PHACTR2: variants seen among roughly 807,000 people sequenced by gnomAD.
PHACTR2 encodes phosphatase and actin regulator 2, also known as chromosome 6 open reading frame 56.
PHACTR2 carries 30 observed loss-of-function variants against 76.0 expected under a neutral mutation model. That is an observed-to-expected ratio of 0.39 (90% CI 0.30 to 0.54). PHACTR2 has a LOEUF of 0.54. Among genes scored for constraint, PHACTR2 ranks in the 20% least tolerant of loss-of-function variants. The pLI, the probability that PHACTR2 is intolerant of heterozygous loss-of-function variation, is 0.61. For synonymous variants in PHACTR2, 292 were observed against 292.5 expected (o/e 1.00, Z 0.02); for missense variants, 696 against 781.1 (o/e 0.89, Z 1.30).
intron 1 of PHACTR2, among the ~76,000 whole-genome samples, chr6:143,636,161 C>T (rs1379593320): frequency 2.0e-5 from 3 of 151,118 alleles, no homozygotes; most frequent in Non-Finnish European, 4.4e-5. Context: ...TTGCAGTGAG[C>T]TGAGATTGTG....
rs1439942495 is a variant in PHACTR2 at position 143,821,026 on chromosome 6, A to C, written c.1923-2648A>C. ...AGCTGTATCTGGGGCCCTTTGCGCC[A>C]AGGCTGGAGCCAAAGTGGCTGGGAT... On this transcript the variant is annotated intron_variant, in intron 12 of 12. Coordinates refer to ENST00000440869, the MANE Select transcript of PHACTR2 (RefSeq NM_001100164.2). The surrounding 1 kb of genome is among the most constrained non-coding windows in gnomAD (Gnocchi z 5.2). Among the ~76,000 whole-genome samples, 1 of 152,254 alleles carries C rather than the reference A, an allele frequency of 6.6e-6. No individual in the cohort carries two copies. The highest frequency in any genetic ancestry group is 1.9e-4 in the East Asian group (1 of 5,202).
chr6:143,566,446 A>G lies in PHACTR2; in HGVS notation c.217+29239A>G, dbSNP rs146931183. Among the ~76,000 whole-genome samples, 68 of 151,970 alleles carry G rather than the reference A, an allele frequency of 4.5e-4. 1 individual carries two copies. Among genetic ancestry groups the G allele is most frequent in the African/African-American group, 1.5e-3 (64 of 41,422 alleles). On this transcript the variant is annotated intron_variant, in intron 1 of 11. Coordinates refer to the PHACTR2 transcript ENST00000367584. Reference sequence around the variant, plus strand: ...GTAGCTGGGACTACAGGCACATGCCACCATGCCCAGCTATTCTTTTGTTGT... The same window carrying G: ...GTAGCTGGGACTACAGGCACATGCCGCCATGCCCAGCTATTCTTTTGTTGT...
rs188867094 is a variant in PHACTR2, at chr6:143,769,324, A to C, written c.1233-2934A>C. On this transcript the variant is annotated intron_variant, in intron 6 of 12. Coordinates refer to ENST00000440869, the MANE Select transcript of PHACTR2 (RefSeq NM_001100164.2). ...AGTTCATTTTCACAAACATGTATAG[A>C]ATGCACTATATTGTCCAGTGTGCCC... is the stretch of plus-strand genomic sequence containing the variant. 6.6e-5 allele frequency among the ~76,000 whole-genome samples: 10 copies of C among 152,306 alleles called. No homozygotes were observed. The East Asian group carries it at 1.9e-3, about 29-fold the overall frequency.
chr6:143,631,361 A>T (rs774421106), intron 1 of PHACTR2, among the ~76,000 whole-genome samples: 14 of 151,874 alleles, frequency 9.2e-5, no homozygotes, highest in South Asian at 4.2e-4. Flanking sequence ...TGGCTAATTT[A>T]AAAAAAATTT....
At position 143,585,873 on chromosome 6, in the gene PHACTR2, G is replaced by T. The variant is rs113951715; in HGVS notation, c.217+48666G>T. Among the ~76,000 whole-genome samples, 1,378 of 152,296 alleles carry T rather than the reference G, an allele frequency of 9.0e-3. 25 individuals are homozygous for T. The highest frequency in any genetic ancestry group is 0.032 in the African/African-American group (1,325 of 41,566). On this transcript the variant is annotated intron_variant, in intron 1 of 11. Coordinates refer to the PHACTR2 transcript ENST00000367584. The surrounding 1 kb of genome is among the most constrained non-coding windows in gnomAD (Gnocchi z 5.2). ...GAAGTGGATGAGCCCAGCAGCAGGG[G>T]ATTTTAAGCTGGGGCCGCTAGCACT...
At chr6:143,737,558 C>A (rs1434524171) in intron 2 of PHACTR2, among the ~76,000 whole-genome samples, 2 of 151,976 alleles carry the variant, frequency 1.3e-5, no homozygotes, top group East Asian at 3.8e-4. Flanking sequence ...CCTGATATTA[C>A]CCAAATAATC....
chr6:143,637,244 A>G (rs1246592024), intron 1 of PHACTR2, among the ~76,000 whole-genome samples: 2 of 152,034 alleles, frequency 1.3e-5, no homozygotes, highest in Non-Finnish European at 1.5e-5. Context: ...GCCACTCAAT[A>G]TCCTTCCAAA....
Position 143,823,865 on chromosome 6 carries a change from G to T in PHACTR2, c.*176G>T. ...GCTCCTCACCTGTGTGGCCCAGATGGCTCCAACAAGCAAAAGGAAGGATGC... is the reference window on the plus strand; with the variant it reads ...GCTCCTCACCTGTGTGGCCCAGATGTCTCCAACAAGCAAAAGGAAGGATGC... On this transcript the variant is annotated 3_prime_UTR_variant, in exon 13 of 13. Transcript: ENST00000440869. This position sits in a 1 kb window ranked among gnomAD's most constrained non-coding sequence, Gnocchi z 5.7. 1 of 538,786 alleles carries T rather than the reference G, an allele frequency of 1.9e-6. No homozygotes were observed. Among genetic ancestry groups the T allele is most frequent in the South Asian group, 2.6e-5 (1 of 39,046 alleles). 33.4% of individuals were successfully genotyped at this position (538,786 alleles called of 1,614,324 possible).
Position 143,688,024 on chromosome 6 carries a change from G to A in PHACTR2, c.46+9815G>A, listed in dbSNP as rs12524982. 0.16 allele frequency among the ~76,000 whole-genome samples: 23,746 copies of A among 152,102 alleles called. 2,196 individuals carry two copies. Among genetic ancestry groups the A allele is most frequent in the Middle Eastern group, 0.26 (75 of 294 alleles). ...AGTCTAGAAGATGCTTAGTGAAAAT[G>A]TGCAGAAATGAGAGTGGAAGGGAAG... is the stretch of plus-strand genomic sequence containing the variant. On this transcript the variant is annotated intron_variant, in intron 1 of 12. Coordinates refer to ENST00000440869, the MANE Select transcript of PHACTR2 (RefSeq NM_001100164.2). The surrounding 1 kb of genome is among the most constrained non-coding windows in gnomAD (Gnocchi z 5.2).
chr6:143,662,303 C>T lies in PHACTR2; in HGVS notation c.14-49713C>T, dbSNP rs1185901694. 6.6e-6 allele frequency among the ~76,000 whole-genome samples: 1 copy of T among 152,128 alleles called. No homozygotes were observed. Among genetic ancestry groups the T allele is most frequent in the Non-Finnish European group, 1.5e-5 (1 of 68,024 alleles). ...AAACTAAGTGTGTTTTAGGAAATAA[C>T]TTTATAGCTTTTTTTCCCCTATTTT... On this transcript the variant is annotated intron_variant, in intron 1 of 11. Transcript: ENST00000305766. The surrounding 1 kb of genome is among the most constrained non-coding windows in gnomAD (Gnocchi z 4.7).
chr6:143,615,936 T>C (rs1216785828), intron 1 of PHACTR2, among the ~76,000 whole-genome samples: 1 of 152,204 alleles, frequency 6.6e-6, no homozygotes, highest in East Asian at 1.9e-4. Context: ...TGTACTACTC[T>C]GTGAACCAGT....
rs1316747413 is a variant in PHACTR2 at position 143,671,972 on chromosome 6, AAACTGTACATAATATT to A, written c.14-40042_14-40027del. 6.8e-6 allele frequency among the ~76,000 whole-genome samples: 1 copy of A among 147,332 alleles called. No individual in the cohort carries two copies. Among genetic ancestry groups the A allele is most frequent in the African/African-American group, 2.4e-5 (1 of 41,300 alleles). On this transcript the variant is annotated intron_variant, in intron 1 of 11. Transcript: ENST00000305766. This position sits in a 1 kb window ranked among gnomAD's most constrained non-coding sequence, Gnocchi z 4.6. ...CATATGAAACAAGCCAGATTAAAAA[AAACTGTACATAATATT>A]ATTCCATTTGTAAGAAATTTTAGAT...
At position 143,608,259 on chromosome 6, in the gene PHACTR2, C is replaced by A. The variant is rs778538993; in HGVS notation, c.-51C>A. On this transcript the variant is annotated 5_prime_UTR_variant, in exon 1 of 12. Transcript: ENST00000305766. This position sits in a 1 kb window ranked among gnomAD's most constrained non-coding sequence, Gnocchi z 4.6. ...AGGGTGCTTCGTTAGTCAGAAGAGC[C>A]AGGGCTTCCCGGCTGCCAGGCTACA... 6.2e-7 allele frequency: 1 copy of A among 1,610,236 alleles called. No individual in the cohort carries two copies. Among genetic ancestry groups the A allele is most frequent in the South Asian group, 1.1e-5 (1 of 90,856 alleles).
chr6:143,585,446 A>G lies in PHACTR2; in HGVS notation c.217+48239A>G, dbSNP rs1775619079. 6.6e-6 allele frequency among the ~76,000 whole-genome samples: 1 copy of G among 152,218 alleles called. No homozygotes were observed. The highest frequency in any genetic ancestry group is 2.1e-4 in the South Asian group (1 of 4,830). The stretch of plus-strand genomic sequence containing the variant: ...GGCAGCACAAGAACAACACATTGGA[A>G]CTAGGAAACCAGGTTTGCAGTTAAC... On this transcript the variant is annotated intron_variant, in intron 1 of 11. Transcript: ENST00000367584. The surrounding 1 kb of genome is among the most constrained non-coding windows in gnomAD (Gnocchi z 5.2).
At chr6:143,560,148 T>C (rs1775245831) in intron 1 of PHACTR2, among the ~76,000 whole-genome samples, 1 of 152,248 alleles carries the variant, frequency 6.6e-6, no homozygotes, top group African/African-American at 2.4e-5. Context: ...ACATTTTTAG[T>C]AATAATTGTA....
At position 143,774,100 on chromosome 6, in the gene PHACTR2, A is replaced by G. The variant is rs770276388; in HGVS notation, c.1474A>G (p.Ile492Val). The G allele has an allele frequency of 1.7e-5, 27 of 1,613,904 alleles. No homozygotes were observed. The highest frequency in any genetic ancestry group is 8.9e-5 in the East Asian group (4 of 44,894). The change falls in exon 8 of 13, where the codon ATC becomes GTC. Residue 492 changes from isoleucine (I) to valine (V), a missense_variant. By Grantham distance (29) the Ile-to-Val change is conservative. Coordinates refer to ENST00000440869, the MANE Select transcript of PHACTR2 (RefSeq NM_001100164.2). The surrounding 1 kb of genome is among the most constrained non-coding windows in gnomAD (Gnocchi z 5.4). ...SKIRRRDTLA[I>V]KLGNRPSKKE... The stretch of plus-strand genomic sequence containing the variant: ...AATACGCCGGAGGGATACTCTTGCT[A>G]TCAAACTTGGCAACAGACCATCTAA...
chr6:143,772,544 A>T lies in PHACTR2; in HGVS notation c.1432+87A>T. On this transcript the variant is annotated intron_variant, in intron 7 of 12. Coordinates refer to ENST00000440869, the MANE Select transcript of PHACTR2 (RefSeq NM_001100164.2). The surrounding 1 kb of genome is among the most constrained non-coding windows in gnomAD (Gnocchi z 5.4). ...ATAAAGAATAAAAGCCTCATTAGGA[A>T]CCAGACATCTGATGTTTTCTTTCCC... 1 of 892,330 alleles carries T rather than the reference A, an allele frequency of 1.1e-6. No homozygotes were observed. The highest frequency in any genetic ancestry group is 1.8e-6 in the Non-Finnish European group (1 of 561,590). The allele number at this position is 892,330 out of a possible 1,614,324, so 55.3% of individuals were successfully genotyped here. A position where few individuals can be genotyped will look rare whatever the true frequency, so the allele number is the denominator to read the frequency against.
chr6:143,616,781 G>C lies in PHACTR2; in HGVS notation c.13+8459G>C, dbSNP rs1776064755. Reference sequence around the variant, plus strand: ...TGGGGTGGAGGCTACGCCAGACTCGGTAGTCAGAGAAAGCTTCCTAAGGAG... The same window carrying C: ...TGGGGTGGAGGCTACGCCAGACTCGCTAGTCAGAGAAAGCTTCCTAAGGAG... On this transcript the variant is annotated intron_variant, in intron 1 of 11. Transcript: ENST00000305766. This position sits in a 1 kb window ranked among gnomAD's most constrained non-coding sequence, Gnocchi z 4.9. 6.6e-6 allele frequency among the ~76,000 whole-genome samples: 1 copy of C among 152,188 alleles called. No individual in the cohort carries two copies. Among genetic ancestry groups the C allele is most frequent in the Non-Finnish European group, 1.5e-5 (1 of 68,042 alleles).
intron 11 of PHACTR2, among the ~76,000 whole-genome samples, chr6:143,790,736 C>G (rs1244171780): frequency 5.4e-5 from 8 of 149,490 alleles, no homozygotes; most frequent in Non-Finnish European, 1.0e-4. Context: ...TGCTGTGGCT[C>G]GATCTCAGCT....
Sources: gnomAD v4.1 joint callset for allele counts (sites outside exome capture counted in the v4.1 genomes callset) on GRCh38, gnomAD v4.1.1 for gene constraint, Gnocchi (gnomAD v3.1) non-coding constraint, MANE v1.5 for transcripts, NCBI Gene and HGNC (gene_info 2026-07-23, HGNC 2026-07-21) for gene names.